The following MAGI2 variants were observed in gnomAD, a reference collection of about 807,000 sequenced individuals.
MAGI2 encodes membrane associated guanylate kinase, WW and PDZ domain containing 2, also known as membrane-associated guanylate kinase, WW and PDZ domain-containing protein 2.
MAGI2 carries 35 observed loss-of-function variants against 133.3 expected under a neutral mutation model. That is an observed-to-expected ratio of 0.26 (90% confidence interval 0.20 to 0.35). The LOEUF (loss-of-function observed/expected upper bound fraction) is 0.35, where lower values mean the gene tolerates loss of function less well. Ranked by LOEUF, MAGI2 falls within the 10% of genes least tolerant of loss-of-function variation. The pLI, the probability that MAGI2 is intolerant of heterozygous loss-of-function variation, is 1.00. For synonymous variants in MAGI2, 729 were observed against 710.6 expected (o/e 1.03, Z -0.41); for missense variants, 1,636 against 1,863.4 (o/e 0.88, Z 2.25).
chr7:78,674,820 G>A (rs1378341135), intron 2 of MAGI2, among the ~76,000 whole-genome samples: 5 of 152,024 alleles, frequency 3.3e-5, no homozygotes, highest in African/African-American at 1.2e-4. Context: ...ATAAGTTTAA[G>A]ACCAAAGAAA....
intron 2 of MAGI2, among the ~76,000 whole-genome samples, chr7:78,681,343 A>C (rs949902414): frequency 1.3e-5 from 2 of 152,160 alleles, no homozygotes; most frequent in Admixed American, 6.6e-5. Flanking sequence ...ACTTTCTTTC[A>C]TATTCCTGGT....
chr7:79,341,726 C>A (rs998625832), intron 1 of MAGI2, among the ~76,000 whole-genome samples: 1 of 152,148 alleles, frequency 6.6e-6, no homozygotes, highest in African/African-American at 2.4e-5. Flanking sequence ...TAAACCTAGT[C>A]TTGGTCTTTC....
At chr7:78,340,456 T>G (rs1228516562) in intron 9 of MAGI2, among the ~76,000 whole-genome samples, 5 of 152,234 alleles carry the variant, frequency 3.3e-5, no homozygotes, top group Non-Finnish European at 5.9e-5. Flanking sequence ...ACTCATTTTA[T>G]GATGCCAGCA....
intron 6 of MAGI2, among the ~76,000 whole-genome samples, chr7:78,461,425 T>TGTGTGTGTGTGTGTGG (rs1790005425): frequency 6.7e-6 from 1 of 150,234 alleles, no homozygotes; most frequent in Non-Finnish European, 1.5e-5. Flanking sequence ...TGTGTGTGTG[T>TGTGTGTGTGTGTGTGG]TGGGATATAT....
intron 6 of MAGI2, among the ~76,000 whole-genome samples, chr7:78,371,851 G>T (rs1354951380): frequency 6.6e-6 from 1 of 151,980 alleles, no homozygotes; most frequent in Non-Finnish European, 1.5e-5. Context: ...ACACATTTGT[G>T]TTTTAAGAAC....
At chr7:79,263,456 A>G (rs1490031380) in intron 1 of MAGI2, among the ~76,000 whole-genome samples, 2 of 152,058 alleles carry the variant, frequency 1.3e-5, no homozygotes, top group Non-Finnish European at 2.9e-5. Context: ...TAACTAAAAG[A>G]ATCTCTGTAT....
intron 1 of MAGI2, among the ~76,000 whole-genome samples, chr7:79,241,657 A>G (rs531263066): frequency 6.6e-6 from 1 of 152,306 alleles, no homozygotes; most frequent in Admixed American, 6.5e-5. Context: ...ATGAAAAATG[A>G]CAAGATTAGG....
At chr7:79,172,731 T>C (rs1429163516) in intron 1 of MAGI2, among the ~76,000 whole-genome samples, 2 of 152,082 alleles carry the variant, frequency 1.3e-5, no homozygotes, top group Non-Finnish European at 1.5e-5. Context: ...ATTGGAGATG[T>C]GCAGATTAAA....
intron 3 of MAGI2, among the ~76,000 whole-genome samples, chr7:78,598,667 C>A (rs531929708): frequency 6.6e-6 from 1 of 152,120 alleles, no homozygotes; most frequent in African/African-American, 2.4e-5. Context: ...GGAGGGGTTG[C>A]TTTGATTTGG....
chr7:79,339,135 G>T (rs1840700909), intron 1 of MAGI2, among the ~76,000 whole-genome samples: 2 of 151,892 alleles, frequency 1.3e-5, no homozygotes, highest in African/African-American at 4.8e-5. Context: ...CTTCTTGGGA[G>T]AAAAAAATAT....
intron 1 of MAGI2, among the ~76,000 whole-genome samples, chr7:79,379,474 C>T (rs1000961640): frequency 3.3e-5 from 5 of 152,016 alleles, no homozygotes; most frequent in Middle Eastern, 3.4e-3. Flanking sequence ...TGGGTATATA[C>T]CCAGTAATAG....
chr7:78,396,513 C>T (rs1796358426), intron 6 of MAGI2, among the ~76,000 whole-genome samples: 1 of 152,206 alleles, frequency 6.6e-6, no homozygotes, highest in South Asian at 2.1e-4. Context: ...AATCTCCTTT[C>T]ACATATCACA....
Position 78,075,050 on chromosome 7 carries a change from T to C in MAGI2, c.3706+3897A>G, listed in dbSNP as rs934200995. Among the ~76,000 whole-genome samples the C allele has an allele frequency of 2.0e-5, 3 of 152,230 alleles. No individual in the cohort carries two copies. In the East Asian group the frequency reaches 5.8e-4, roughly 29 times the overall value. ...AATTATAAGTGTGTCTCGCTGTATC[T>C]AAACTGTTTGTACAATCAGTGTGGT... On this transcript the variant is annotated intron_variant, in intron 21 of 21. Transcript: ENST00000354212.
At chr7:78,417,824 C>G (rs1798440287) in intron 6 of MAGI2, among the ~76,000 whole-genome samples, 1 of 152,036 alleles carries the variant, frequency 6.6e-6, no homozygotes, top group Non-Finnish European at 1.5e-5. Context: ...CACATTTTAC[C>G]CATTCTAAGG....
intron 3 of MAGI2, among the ~76,000 whole-genome samples, chr7:78,573,839 C>A (rs1454466296): frequency 6.6e-6 from 1 of 151,990 alleles, no homozygotes. Context: ...TTTGCCTTCT[C>A]CATAGAAGAA....
At chr7:79,010,389 T>A (rs1343988920) in intron 1 of MAGI2, among the ~76,000 whole-genome samples, 1 of 152,100 alleles carries the variant, frequency 6.6e-6, no homozygotes, top group Non-Finnish European at 1.5e-5. Flanking sequence ...AATGATGTCC[T>A]CAAAAAGTAG....
intron 1 of MAGI2, among the ~76,000 whole-genome samples, chr7:79,250,965 T>C (rs1053756591): frequency 3.9e-5 from 6 of 152,104 alleles, no homozygotes; most frequent in Non-Finnish European, 8.8e-5. Context: ...TTCAACAGAA[T>C]TGCCAAGAAA....
At chr7:78,900,195 C>T (rs1204116576) in intron 2 of MAGI2, among the ~76,000 whole-genome samples, 1 of 152,190 alleles carries the variant, frequency 6.6e-6, no homozygotes, top group Non-Finnish European at 1.5e-5. Context: ...TGGACCCTTA[C>T]TCACTAGTGC....
intron 2 of MAGI2, among the ~76,000 whole-genome samples, chr7:78,920,464 T>C (rs1799139233): frequency 1.3e-5 from 2 of 152,192 alleles, no homozygotes; most frequent in Non-Finnish European, 2.9e-5. Context: ...CACAGTTGAA[T>C]ACTTGTCTTT....
Sources: allele counts gnomAD v4.1 joint callset (sites outside exome capture counted in the v4.1 genomes callset), GRCh38; gene constraint gnomAD v4.1.1; transcripts MANE v1.5; gene names NCBI Gene and HGNC (gene_info 2026-07-23, HGNC 2026-07-21).